The following HIBADH variants were observed in gnomAD, a reference collection of about 807,000 sequenced individuals.
HIBADH encodes 3-hydroxyisobutyrate dehydrogenase.
HIBADH carries 25 observed loss-of-function variants against 36.1 expected under a neutral mutation model. The ratio of observed to expected loss-of-function variants is 0.69; its 90% CI spans 0.50 to 0.97. The LOEUF (loss-of-function observed/expected upper bound fraction) is 0.97. Among genes scored for constraint, HIBADH ranks in the 50% least tolerant of loss-of-function variants. The pLI is 0.00. For missense variants in HIBADH, 421 were observed against 418.0 expected, an observed-to-expected ratio of 1.01 and a Z score of -0.06; for synonymous variants, 160 against 149.5, an observed-to-expected ratio of 1.07 and a Z score of -0.51.
chr7:27,545,338 C>T (rs1019346715), intron 4 of HIBADH, among the ~76,000 whole-genome samples: 1 of 152,126 alleles, frequency 6.6e-6, no homozygotes, highest in African/African-American at 2.4e-5. Context: ...ACTCAGGAGG[C>T]TGAGATGGAG....
intron 4 of HIBADH, among the ~76,000 whole-genome samples, chr7:27,590,879 C>T (rs564079212): frequency 6.6e-6 from 1 of 152,172 alleles, no homozygotes; most frequent in Non-Finnish European, 1.5e-5. Flanking sequence ...ATATTTCCAG[C>T]CTTTCAGTGA....
intron 4 of HIBADH, among the ~76,000 whole-genome samples, chr7:27,601,853 C>A (rs981058882): frequency 1.3e-5 from 2 of 151,934 alleles, no homozygotes; most frequent in African/African-American, 4.8e-5. Context: ...TTTAGATTAC[C>A]TATGTGAACT....
intron 1 of HIBADH, among the ~76,000 whole-genome samples, chr7:27,654,236 CT>C (rs1464395478): frequency 1.3e-5 from 2 of 152,032 alleles, no homozygotes; most frequent in African/African-American, 4.8e-5. Flanking sequence ...CATCAATAAG[CT>C]GTGAGACAGC....
chr7:27,532,648 G>A (rs368065033), intron 6 of HIBADH, among the ~76,000 whole-genome samples: 2 of 152,178 alleles, frequency 1.3e-5, no homozygotes, highest in African/African-American at 4.8e-5. Context: ...AATTCATATG[G>A]TGGCCCATGT....
intron 4 of HIBADH, among the ~76,000 whole-genome samples, chr7:27,558,751 C>T (rs1784427558): frequency 6.6e-6 from 1 of 152,162 alleles, no homozygotes; most frequent in African/African-American, 2.4e-5. Flanking sequence ...AAAATCTCTT[C>T]CACAGTTTTA....
chr7:27,540,039 A>T (rs1463636199), intron 5 of HIBADH, among the ~76,000 whole-genome samples: 1 of 152,066 alleles, frequency 6.6e-6, no homozygotes, highest in Non-Finnish European at 1.5e-5. Context: ...TGGAGGTGGT[A>T]GAAGGGGAGG....
intron 4 of HIBADH, among the ~76,000 whole-genome samples, chr7:27,623,653 T>C (rs1442699492): frequency 6.6e-6 from 1 of 152,082 alleles, no homozygotes; most frequent in Non-Finnish European, 1.5e-5. Context: ...CACTTATAAT[T>C]GCTATGAAAA....
At chr7:27,565,939 A>G (rs982204634) in intron 4 of HIBADH, among the ~76,000 whole-genome samples, 3 of 152,134 alleles carry the variant, frequency 2.0e-5, no homozygotes, top group Non-Finnish European at 1.5e-5. Flanking sequence ...ATACATATGG[A>G]TATTAGCATC....
chr7:27,543,511 T>C (rs1232848303), intron 4 of HIBADH, among the ~76,000 whole-genome samples: 1 of 152,238 alleles, frequency 6.6e-6, no homozygotes, highest in South Asian at 2.1e-4. Context: ...GAGAGAGGTC[T>C]GCTGCCCACG....
intron 1 of HIBADH, among the ~76,000 whole-genome samples, chr7:27,650,537 G>A (rs1479319993): frequency 1.3e-5 from 2 of 149,530 alleles, no homozygotes; most frequent in African/African-American, 2.5e-5. Context: ...CTGTCACCCA[G>A]ATTGGAGGGC....
At chr7:27,658,836 C>G (rs1268332482) in intron 1 of HIBADH, among the ~76,000 whole-genome samples, 1 of 152,160 alleles carries the variant, frequency 6.6e-6, no homozygotes. Context: ...AGCACTCTAT[C>G]TGCTTTACTA....
chr7:27,543,704 A>G (rs540709464), intron 4 of HIBADH, among the ~76,000 whole-genome samples: 1 of 152,254 alleles, frequency 6.6e-6, no homozygotes, highest in African/African-American at 2.4e-5. Context: ...TGTACTTTTC[A>G]ATATTATTTG....
At chr7:27,577,780 A>T (rs1185593018) in intron 4 of HIBADH, among the ~76,000 whole-genome samples, 2 of 152,208 alleles carry the variant, frequency 1.3e-5, no homozygotes, top group African/African-American at 2.4e-5. Context: ...CCTCCAAAAA[A>T]ATTTGAGATG....
At chr7:27,530,741 C>T (rs868292480) in intron 7 of HIBADH, among the ~76,000 whole-genome samples, 1 of 152,100 alleles carries the variant, frequency 6.6e-6, no homozygotes, top group African/African-American at 2.4e-5. Context: ...ATATTAAAAT[C>T]TTAAAGCAGG....
At chr7:27,603,883 G>T (rs1785173865) in intron 4 of HIBADH, among the ~76,000 whole-genome samples, 1 of 152,160 alleles carries the variant, frequency 6.6e-6, no homozygotes, top group African/African-American at 2.4e-5. Flanking sequence ...ATCCAAAAGT[G>T]TGAGTAAATT....
intron 1 of HIBADH, among the ~76,000 whole-genome samples, chr7:27,655,259 T>A (rs764817121): frequency 1.4e-4 from 21 of 152,308 alleles, no homozygotes; most frequent in South Asian, 2.1e-4. Context: ...GAATGCAAAT[T>A]GTACATTAGA....
At chr7:27,595,691 A>T (rs1222821026) in intron 4 of HIBADH, among the ~76,000 whole-genome samples, 1 of 151,728 alleles carries the variant, frequency 6.6e-6, no homozygotes, top group African/African-American at 2.4e-5. Context: ...TGAATAAATG[A>T]ATGAGCATTT....
At chr7:27,534,924 C>T (rs767157830) in intron 6 of HIBADH, among the ~76,000 whole-genome samples, 3 of 151,080 alleles carry the variant, frequency 2.0e-5, no homozygotes, top group Non-Finnish European at 4.4e-5. Flanking sequence ...TCACTTTTGT[C>T]ATTTTATAAA....
intron 5 of HIBADH, among the ~76,000 whole-genome samples, chr7:27,540,324 G>A (rs1377731742): frequency 6.6e-6 from 1 of 152,122 alleles, no homozygotes; most frequent in East Asian, 1.9e-4. Context: ...ATCTGGTACT[G>A]TTCAGAAGCA....
Sources: gnomAD v4.1 joint callset for allele counts (sites outside exome capture counted in the v4.1 genomes callset) on GRCh38, gnomAD v4.1.1 for gene constraint, MANE v1.5 for transcripts, NCBI Gene and HGNC (gene_info 2026-07-23, HGNC 2026-07-21) for gene names.